Variants in EXT1 observed in about 807,000 individuals in gnomAD.
EXT1 encodes exostosin glycosyltransferase 1, also known as exostosin-1.
Under a neutral mutation model 82.5 loss-of-function variants are expected in EXT1, and 20 were observed. That is an observed-to-expected ratio of 0.24 (90% confidence interval 0.17 to 0.35). EXT1 has a LOEUF of 0.35. Ranked by LOEUF, EXT1 falls within the 10% of genes least tolerant of loss-of-function variation. EXT1 has a pLI of 1.00. For synonymous variants in EXT1, 348 were observed against 350.8 expected (o/e 0.99, Z 0.09); for missense variants, 757 against 936.5 (o/e 0.81, Z 2.50).
chr8:117,944,040 A>G (rs893411279), intron 1 of EXT1, among the ~76,000 whole-genome samples: 31 of 152,170 alleles, frequency 2.0e-4, no homozygotes, highest in African/African-American at 7.5e-4. Context: ...GACAGAAGGG[A>G]GATCAAAAGT....
chr8:118,030,779 G>T (rs1425711458), intron 1 of EXT1, among the ~76,000 whole-genome samples: 3 of 152,158 alleles, frequency 2.0e-5, no homozygotes, highest in African/African-American at 7.2e-5. Context: ...ACCGTGCCTG[G>T]CCAGTTAGAG....
chr8:117,979,463 T>C (rs1815139627), intron 1 of EXT1, among the ~76,000 whole-genome samples: 1 of 152,090 alleles, frequency 6.6e-6, no homozygotes, highest in Non-Finnish European at 1.5e-5. Context: ...TTAATGATTG[T>C]TTGGCAGAGG....
intron 1 of EXT1, among the ~76,000 whole-genome samples, chr8:117,870,313 C>T (rs1174192314): frequency 6.6e-6 from 1 of 152,196 alleles, no homozygotes; most frequent in Non-Finnish European, 1.5e-5. Flanking sequence ...CTGTGATTGC[C>T]AAGGTGTAGG....
intron 1 of EXT1, among the ~76,000 whole-genome samples, chr8:117,921,659 G>A (rs1813859929): frequency 6.6e-6 from 1 of 152,168 alleles, no homozygotes; most frequent in African/African-American, 2.4e-5. Flanking sequence ...TGAGATTTGA[G>A]GCAGAAAATG....
intron 1 of EXT1, among the ~76,000 whole-genome samples, chr8:117,881,981 G>C (rs1813069474): frequency 6.6e-6 from 1 of 152,204 alleles, no homozygotes. Flanking sequence ...CTACGAAAAA[G>C]TCAAGTGCTG....
At chr8:117,882,480 C>G (rs142656874) in intron 1 of EXT1, among the ~76,000 whole-genome samples, 15 of 152,244 alleles carry the variant, frequency 9.9e-5, no homozygotes, top group African/African-American at 2.9e-4. Flanking sequence ...CCTGTTAATG[C>G]CACTATGATT....
At chr8:117,911,754 T>C (rs766421345) in intron 1 of EXT1, among the ~76,000 whole-genome samples, 1 of 152,230 alleles carries the variant, frequency 6.6e-6, no homozygotes, top group Non-Finnish European at 1.5e-5. Flanking sequence ...ATCTTTCACT[T>C]TGAACTGAGC....
intron 1 of EXT1, among the ~76,000 whole-genome samples, chr8:118,034,819 A>G (rs549691411): frequency 1.3e-5 from 2 of 152,276 alleles, no homozygotes; most frequent in African/African-American, 4.8e-5. Context: ...AATTATACCA[A>G]TGGCCCAAGC....
intron 1 of EXT1, among the ~76,000 whole-genome samples, chr8:118,074,643 C>A (rs1817172870): frequency 6.6e-6 from 1 of 151,428 alleles, no homozygotes; most frequent in African/African-American, 2.4e-5. Flanking sequence ...CTTTGGGATC[C>A]GGCCAAGGGG....
At chr8:117,933,321 A>G (rs1481395014) in intron 1 of EXT1, among the ~76,000 whole-genome samples, 1 of 146,858 alleles carries the variant, frequency 6.8e-6, no homozygotes, top group Non-Finnish European at 1.5e-5. Flanking sequence ...ATTTCAGCTC[A>G]CTGCAACCTC....
At chr8:117,844,466 A>G (rs577925812) in intron 1 of EXT1, among the ~76,000 whole-genome samples, 1 of 152,216 alleles carries the variant, frequency 6.6e-6, no homozygotes, top group East Asian at 1.9e-4. Flanking sequence ...AATTTCAGTT[A>G]TTTTTGAGAA....
rs147640514 is a variant in EXT1, at chr8:117,909,091, C to T, written c.963-71890G>A. On this transcript the variant is annotated intron_variant, in intron 1 of 10. Transcript: ENST00000378204. The stretch of plus-strand genomic sequence containing the variant: ...AGGTTGAAGTGAACCGAGATCGGGC[C>T]GTTGGACTCCAGCCTGGTCGACAGA... Among the ~76,000 whole-genome samples, 711 of 151,434 alleles carry T rather than the reference C, an allele frequency of 4.7e-3. 6 individuals are homozygous for T. The highest frequency in any genetic ancestry group is 0.013 in the African/African-American group (538 of 41,296).
intron 1 of EXT1, among the ~76,000 whole-genome samples, chr8:117,898,189 A>C (rs1165549286): frequency 1.3e-5 from 2 of 152,204 alleles, no homozygotes; most frequent in Non-Finnish European, 2.9e-5. Flanking sequence ...GTGGTTTAAC[A>C]ACCAAAGTTT....
At chr8:117,838,735 T>C (rs999327099) in intron 1 of EXT1, among the ~76,000 whole-genome samples, 4 of 152,144 alleles carry the variant, frequency 2.6e-5, no homozygotes, top group African/African-American at 9.7e-5. Flanking sequence ...ATGTTGATAA[T>C]GTTTTAATCT....
rs1242135138 is a variant in EXT1, at chr8:117,861,883, AGGTAATCCCTAAATG to A, written c.963-24697_963-24683del. ...CATATCTCTGAGACATCTTGCAGAG[AGGTAATCCCTAAATG>A]ATGCAAATCTGGTGAACATAATGCA... On this transcript the variant is annotated intron_variant, in intron 1 of 10. Transcript: ENST00000378204. Among the ~76,000 whole-genome samples the A allele has an allele frequency of 8.9e-4, 33 of 37,270 alleles. 3 individuals are homozygous for A. The highest frequency in any genetic ancestry group is 2.3e-3 in the Non-Finnish European group (26 of 11,154). The allele number at this position is 37,270 out of a possible 152,430, so 24.5% of individuals were successfully genotyped here.
At chr8:118,071,858 T>C (rs936843110) in intron 1 of EXT1, among the ~76,000 whole-genome samples, 2 of 151,942 alleles carry the variant, frequency 1.3e-5, no homozygotes, top group African/African-American at 4.8e-5. Context: ...GAGCTCCTAT[T>C]GCATAAGAAG....
chr8:117,828,812 AATAC>A (rs1812050134), intron 4 of EXT1, among the ~76,000 whole-genome samples: 5 of 152,106 alleles, frequency 3.3e-5, no homozygotes, highest in Admixed American at 3.3e-4. Flanking sequence ...GGATGAAAAA[AATAC>A]ACACTATGCC....
intron 1 of EXT1, among the ~76,000 whole-genome samples, chr8:118,013,971 C>G (rs1348015409): frequency 6.6e-6 from 1 of 152,192 alleles, no homozygotes. Flanking sequence ...TGGCTCACTA[C>G]AAGCTCAATG....
At chr8:117,813,902 A>T (rs902924436) in intron 7 of EXT1, among the ~76,000 whole-genome samples, 4 of 152,056 alleles carry the variant, frequency 2.6e-5, no homozygotes, top group African/African-American at 9.6e-5. Flanking sequence ...GCTACTTGGG[A>T]GGCTGAGGCA....
Sources: allele counts gnomAD v4.1 joint callset (sites outside exome capture counted in the v4.1 genomes callset), GRCh38; gene constraint gnomAD v4.1.1; transcripts MANE v1.5; gene names NCBI Gene and HGNC (gene_info 2026-07-23, HGNC 2026-07-21).